MCPH1: variants seen among roughly 807,000 people sequenced by gnomAD.
The protein encoded by MCPH1 is microcephalin 1.
A neutral mutation model predicts 84.5 loss-of-function variants in MCPH1; 104 were observed. That is an observed-to-expected ratio of 1.23 (90% confidence interval 1.05 to 1.45). The LOEUF is 1.45. MCPH1 is among the 40% of genes most tolerant of loss of function. The probability of loss-of-function intolerance (pLI) is 0.00; values close to 1 mark genes in which losing one functional copy is unlikely to be tolerated. For synonymous variants in MCPH1, 514 were observed against 366.8 expected (o/e 1.40, Z -4.58); for missense variants, 1,498 against 1,005.7 (o/e 1.49, Z -6.62).
Position 6,455,387 on chromosome 8 carries a change from G to A in MCPH1, c.1935+135G>A, listed in dbSNP as rs927346746. ...AAAAATTGATTATGGGTAAATGCTG[G>A]AAAACTCAGAATATGAAACTGAAAG... On this transcript the variant is annotated intron_variant, in intron 9 of 13. Coordinates refer to ENST00000344683, the MANE Select transcript of MCPH1 (RefSeq NM_024596.5). 6 of 691,140 alleles carry A rather than the reference G, an allele frequency of 8.7e-6. No individual in the cohort carries two copies. The African/African-American group carries it at 1.1e-4, about 12-fold the overall frequency. 42.8% of individuals were successfully genotyped at this position (691,140 alleles called of 1,614,324 possible).
chr8:6,479,174 G>C (rs1242058083), intron 10 of MCPH1, among the ~76,000 whole-genome samples: 1 of 152,096 alleles, frequency 6.6e-6, no homozygotes. Flanking sequence ...GGATAAGGCA[G>C]GAGGATCACT....
chr8:6,519,095 C>G (rs1194705026), intron 12 of MCPH1, among the ~76,000 whole-genome samples: 4 of 152,116 alleles, frequency 2.6e-5, no homozygotes, highest in Non-Finnish European at 5.9e-5. Context: ...GAAGTGAACT[C>G]CGCTGCTGGA....
rs1328589809 is a variant in MCPH1 at position 6,645,601 on chromosome 8, G to C, written c.*2552G>C. 3 of 57,272 alleles carry C rather than the reference G, an allele frequency of 5.2e-5. No homozygotes were observed. The East Asian group carries it at 2.5e-3, about 47-fold the overall frequency. The allele number at this position is 57,272 out of a possible 1,614,324, so 3.5% of individuals were successfully genotyped here. On this transcript the variant is annotated 3_prime_UTR_variant, in exon 14 of 14. Transcript: ENST00000344683. ...AGACACTATGTATAGAAATTGTAAG[G>C]AATGCAAAAAAAAAAAAAAAAAAAA...
intron 12 of MCPH1, among the ~76,000 whole-genome samples, chr8:6,536,166 T>G (rs1820450281): frequency 6.6e-6 from 1 of 152,208 alleles, no homozygotes; most frequent in Admixed American, 6.5e-5. Flanking sequence ...CAGGTACTCT[T>G]TAAAAACAAG....
chr8:6,596,718 T>C (rs1162983014), intron 12 of MCPH1, among the ~76,000 whole-genome samples: 4 of 152,054 alleles, frequency 2.6e-5, no homozygotes, highest in African/African-American at 9.7e-5. Context: ...GATCCCACAA[T>C]GCAACGATGC....
intron 11 of MCPH1, among the ~76,000 whole-genome samples, chr8:6,483,437 T>C (rs1809473829): frequency 6.6e-6 from 1 of 152,218 alleles, no homozygotes; most frequent in African/African-American, 2.4e-5. Flanking sequence ...TTTCAAGCTG[T>C]GGTCCTCAAG....
chr8:6,418,174 C>T (rs1329645120), intron 3 of MCPH1, among the ~76,000 whole-genome samples: 1 of 152,082 alleles, frequency 6.6e-6, no homozygotes, highest in Non-Finnish European at 1.5e-5. Context: ...CCTAGCTGCC[C>T]AGTCTCCTTC....
At chr8:6,640,091 TGTGTGTGCGC>T (rs1227422006) in intron 13 of MCPH1, among the ~76,000 whole-genome samples, 1 of 144,842 alleles carries the variant, frequency 6.9e-6, no homozygotes, top group East Asian at 2.1e-4. Flanking sequence ...TGTGTGTGTG[TGTGTGTGCGC>T]GCGCGTGTGT....
chr8:6,466,519 G>A (rs1391108702), intron 9 of MCPH1, among the ~76,000 whole-genome samples: 1 of 152,210 alleles, frequency 6.6e-6, no homozygotes, highest in African/African-American at 2.4e-5. Flanking sequence ...GTATTAGCCA[G>A]GATGGTCTCA....
chr8:6,589,046 T>C (rs534863347), intron 12 of MCPH1, among the ~76,000 whole-genome samples: 3 of 152,378 alleles, frequency 2.0e-5, no homozygotes, highest in African/African-American at 7.2e-5. Context: ...AAACAATCAC[T>C]GTATGAAAAC....
intron 13 of MCPH1, chr8:6,635,321 C>T (rs1025428528): frequency 2.6e-5 from 4 of 152,230 alleles, no homozygotes; most frequent in Non-Finnish European, 5.9e-5. Context: ...CCGTGGACAG[C>T]GTGGAGCTCA....
intron 12 of MCPH1, among the ~76,000 whole-genome samples, chr8:6,602,539 G>A (rs576838491): frequency 1.3e-5 from 2 of 152,198 alleles, no homozygotes; most frequent in South Asian, 4.1e-4. Context: ...GGCGGCGGCT[G>A]GGCTGTGCTC....
At chr8:6,524,694 A>T (rs964922419) in intron 12 of MCPH1, among the ~76,000 whole-genome samples, 1 of 152,240 alleles carries the variant, frequency 6.6e-6, no homozygotes, top group African/African-American at 2.4e-5. Context: ...AGATGTTTTG[A>T]TGGTCTTCAC....
chr8:6,482,985 CTATT>C (rs1170972617), intron 11 of MCPH1, among the ~76,000 whole-genome samples: 1 of 152,154 alleles, frequency 6.6e-6, no homozygotes, highest in African/African-American at 2.4e-5. Context: ...AGAGTTATCT[CTATT>C]TATAAACCAC....
intron 13 of MCPH1, among the ~76,000 whole-genome samples, chr8:6,642,003 T>A (rs976481772): frequency 6.6e-6 from 1 of 152,158 alleles, no homozygotes; most frequent in East Asian, 1.9e-4. Context: ...TGGGACACTA[T>A]CTTGAGCTAT....
chr8:6,428,529 G>C (rs1043043745), intron 3 of MCPH1, among the ~76,000 whole-genome samples: 5 of 152,104 alleles, frequency 3.3e-5, no homozygotes, highest in African/African-American at 1.2e-4. Context: ...CTATTCTCCC[G>C]CCAGCCAAGG....
chr8:6,522,654 A>T (rs1036997927), intron 12 of MCPH1, among the ~76,000 whole-genome samples: 2 of 149,908 alleles, frequency 1.3e-5, no homozygotes, highest in African/African-American at 4.9e-5. Context: ...CATGAATGTA[A>T]TCCCAGCTAC....
At chr8:6,536,005 C>T (rs1820419129) in intron 12 of MCPH1, among the ~76,000 whole-genome samples, 1 of 152,034 alleles carries the variant, frequency 6.6e-6, no homozygotes, top group African/African-American at 2.4e-5. Context: ...TGCAGTGAGC[C>T]ATGATCGTGC....
At chr8:6,545,043 G>A (rs969757758) in intron 12 of MCPH1, among the ~76,000 whole-genome samples, 3 of 152,114 alleles carry the variant, frequency 2.0e-5, no homozygotes, top group Admixed American at 6.5e-5. Context: ...TCAAATGAAT[G>A]CCATCACAGA....
Sources: allele counts gnomAD v4.1 joint callset (sites outside exome capture counted in the v4.1 genomes callset), GRCh38; gene constraint gnomAD v4.1.1; transcripts MANE v1.5; gene names NCBI Gene and HGNC (gene_info 2026-07-23, HGNC 2026-07-21).